RRP12: variants seen among roughly 807,000 people sequenced by gnomAD.
RRP12 encodes the protein RRP12-like protein.
RRP12 carries 78 observed loss-of-function variants against 157.3 expected under a neutral mutation model. The observed-to-expected ratio is 0.50, with a 90% CI of 0.41 to 0.60. The LOEUF (loss-of-function observed/expected upper bound fraction) is 0.60, where lower values mean the gene tolerates loss of function less well. RRP12 is among the 20% of genes least tolerant of loss of function. RRP12 has a pLI of 0.00. For missense variants in RRP12, 1,521 were observed against 1,679.9 expected, an observed-to-expected ratio of 0.91 and a Z score of 1.65; for synonymous variants, 726 against 670.9, an observed-to-expected ratio of 1.08 and a Z score of -1.27.
At chr10:97,396,966 T>G (rs1241546305) in intron 2 of RRP12, among the ~76,000 whole-genome samples, 1 of 151,996 alleles carries the variant, frequency 6.6e-6, no homozygotes, top group Non-Finnish European at 1.5e-5. Flanking sequence ...GGTTTTACCA[T>G]GTTGACCAAG....
At chr10:97,398,039 A>ATATATATATT (rs1436494245) in intron 2 of RRP12, among the ~76,000 whole-genome samples, 2 of 56,036 alleles carry the variant, frequency 3.6e-5, no homozygotes, top group Non-Finnish European at 3.2e-5. Context: ...ATATATACGT[A>ATATATATATT]TTTTTTTTTT....
At chr10:97,364,132 C>A (rs1320835991) in intron 29 of RRP12, among the ~76,000 whole-genome samples, 1 of 152,158 alleles carries the variant, frequency 6.6e-6, no homozygotes, top group Admixed American at 6.5e-5. Flanking sequence ...CTCAAAGAAG[C>A]GGTGATCCTA....
At position 97,373,621 on chromosome 10, in the gene RRP12, G is replaced by C; in HGVS notation, c.1980C>G (p.Thr660=). ...TGAGGGTGCGCAGGGCCTGGCACAC[G>C]GTGACCCTCAGGTCTGGACGCTCGC... is the stretch of plus-strand genomic sequence containing the variant. ...AISERPDLRV[T]VCQALRTLIT... is the part of the protein sequence containing the mutation. Residue 660 remains threonine, a synonymous_variant, in exon 17 of 34, where the codon ACC becomes ACG. Coordinates refer to ENST00000370992, the MANE Select transcript of RRP12 (RefSeq NM_015179.4). 1 of 1,612,738 alleles carries C rather than the reference G, an allele frequency of 6.2e-7. No individual in the cohort carries two copies. The highest frequency in any genetic ancestry group is 8.5e-7 in the Non-Finnish European group (1 of 1,179,476).
chr10:97,375,121 G>T (rs1844269757), intron 15 of RRP12, among the ~76,000 whole-genome samples: 1 of 151,970 alleles, frequency 6.6e-6, no homozygotes, highest in Admixed American at 6.6e-5. Context: ...CCCAAAGTGG[G>T]ACTTAAAAAA....
At chr10:97,369,288 G>T in intron 25 of RRP12, 137 bp downstream of exon 25, 3 of 866,906 alleles carry the variant, frequency 3.5e-6, no homozygotes, top group Non-Finnish European at 5.3e-6. Flanking sequence ...TTCCCCTATG[G>T]TCCCTTTTAG....
intron 20 of RRP12, 38 bp downstream of exon 20, chr10:97,372,035 A>G (rs778422388): frequency 5.4e-6 from 8 of 1,469,000 alleles, no homozygotes; most frequent in South Asian, 1.2e-5. Flanking sequence ...TCTGCCCCCA[A>G]GCGTGGCTGT....
chr10:97,357,659 A>G (rs981677693), intron 33 of RRP12, among the ~76,000 whole-genome samples: 1 of 152,224 alleles, frequency 6.6e-6, no homozygotes, highest in Admixed American at 6.5e-5. Context: ...ATACAAAGCT[A>G]TTAAAAATGA....
chr10:97,390,132 A>G (rs1025013400), intron 6 of RRP12, among the ~76,000 whole-genome samples: 6 of 152,126 alleles, frequency 3.9e-5, no homozygotes, highest in African/African-American at 1.4e-4. Context: ...TCCCCCAACT[A>G]TGCCACCCTC....
intron 4 of RRP12, 64 bp from the exon 5 acceptor site, chr10:97,390,908 C>A: frequency 9.1e-7 from 1 of 1,102,806 alleles, no homozygotes; most frequent in South Asian, 1.2e-5. Flanking sequence ...TGCAGCCCCT[C>A]GTGGTACTAA....
intron 13 of RRP12, 26 bp from the exon 14 acceptor site, chr10:97,379,796 A>C: frequency 6.3e-7 from 1 of 1,576,372 alleles, no homozygotes; most frequent in Non-Finnish European, 8.6e-7. Flanking sequence ...GTGACCACAC[A>C]TCAAGACATG....
At position 97,385,218 on chromosome 10, in the gene RRP12, G is replaced by A. The variant is rs772603360; in HGVS notation, c.1156C>T (p.Pro386Ser). Residue 386 changes from proline to serine, a missense_variant, in exon 10 of 34, where the codon CCC (proline) becomes TCC (serine). Physicochemically the swap from Pro to Ser is moderately conservative, Grantham distance 74. Coordinates refer to ENST00000370992, the MANE Select transcript of RRP12 (RefSeq NM_015179.4). ...ATGACCTTAAGCCAGGCTAGCAGGG[G>A]TTGTAAATCATTCTCACTGGGAACA... ...DYVPSENDLQPLLAWLKVMEK... is the reference protein window; with the variant it reads ...DYVPSENDLQSLLAWLKVMEK... 1.2e-6 allele frequency: 2 copies of A among 1,614,006 alleles called. No individual in the cohort carries two copies. Among genetic ancestry groups the A allele is most frequent in the African/African-American group, 2.7e-5 (2 of 74,950 alleles).
At chr10:97,369,021 C>T (rs926057430) in intron 25 of RRP12, among the ~76,000 whole-genome samples, 3 of 152,084 alleles carry the variant, frequency 2.0e-5, no homozygotes, top group Admixed American at 6.6e-5. Flanking sequence ...AAAGGAATGG[C>T]CTCTAACCAG....
At chr10:97,368,517 C>G (rs964688148) in intron 25 of RRP12, among the ~76,000 whole-genome samples, 26 of 150,738 alleles carry the variant, frequency 1.7e-4, no homozygotes, top group Admixed American at 6.0e-4. Flanking sequence ...GCCACCTCGC[C>G]CAGCTAATTT....
Position 97,381,731 on chromosome 10 carries a change from G to A in RRP12, c.1304C>T (p.Ala435Val). ...TTGCAGTACCTTGAGGCTCTGCGTA[G>A]CAGCAGTCAGCACTTGCGAGTGTGG... Reference protein sequence around the residue: ...LSPHSQVLTAATQSLKEILKE... With the variant: ...LSPHSQVLTAVTQSLKEILKE... The change falls in exon 11 of 34, where the codon GCT (alanine) becomes GTT (valine). Residue 435 changes from alanine (A) to valine (V), a missense_variant. Physicochemically the swap from Ala to Val is moderately conservative, Grantham distance 64. Coordinates refer to ENST00000370992, the MANE Select transcript of RRP12 (RefSeq NM_015179.4). The A allele has an allele frequency of 1.2e-6, 2 of 1,613,868 alleles. No individual in the cohort carries two copies. The highest frequency in any genetic ancestry group is 1.7e-6 in the Non-Finnish European group (2 of 1,179,692).
intron 31 of RRP12, among the ~76,000 whole-genome samples, chr10:97,360,206 T>A (rs1208912732): frequency 6.6e-6 from 1 of 152,156 alleles, no homozygotes; most frequent in Non-Finnish European, 1.5e-5. Flanking sequence ...ACTCGGTTGG[T>A]GCTCTTAGGG....
Position 97,359,038 on chromosome 10 carries a change from C to T in RRP12, c.3641-28G>A, listed in dbSNP as rs775567449. The T allele has an allele frequency of 1.9e-6, 3 of 1,590,144 alleles. No individual in the cohort carries two copies. The South Asian group carries it at 3.3e-5, about 18-fold the overall frequency. ...ACGGGGAGAACACAGGACCATGAGT[C>T]AGGCAAAGCCAGGGCAGCCCCCTCC... On this transcript the variant is annotated intron_variant, in intron 31 of 33. Transcript: ENST00000370992.
chr10:97,395,232 A>G (rs1023304869), intron 3 of RRP12, among the ~76,000 whole-genome samples: 1 of 151,800 alleles, frequency 6.6e-6, no homozygotes, highest in Non-Finnish European at 1.5e-5. Flanking sequence ...ACATACATAC[A>G]TACACAAATA....
intron 6 of RRP12, among the ~76,000 whole-genome samples, chr10:97,389,492 C>T (rs1034598498): frequency 3.3e-5 from 5 of 152,028 alleles, no homozygotes; most frequent in African/African-American, 9.7e-5. Flanking sequence ...ATGTGAGCAC[C>T]GAGGGAAGGG....
chr10:97,365,943 G>A (rs537346559), intron 29 of RRP12, 165 bp downstream of exon 29: 13 of 862,988 alleles, frequency 1.5e-5, no homozygotes, highest in South Asian at 5.9e-5. Flanking sequence ...AACATAAAAA[G>A]ATTTCTTAAT....
Sources: allele counts gnomAD v4.1 joint callset (sites outside exome capture counted in the v4.1 genomes callset), GRCh38; gene constraint gnomAD v4.1.1; transcripts MANE v1.5; gene names NCBI Gene and HGNC (gene_info 2026-07-23, HGNC 2026-07-21).